The following NCOA1 variants were observed in gnomAD, a reference collection of about 807,000 sequenced individuals.
The protein encoded by NCOA1 is nuclear receptor coactivator 1.
Under a neutral mutation model 150.9 loss-of-function variants are expected in NCOA1, and 35 were observed. That is an observed-to-expected ratio of 0.23 (90% CI 0.18 to 0.31). The LOEUF (loss-of-function observed/expected upper bound fraction) is 0.31. NCOA1 is among the 10% of genes least tolerant of loss of function. NCOA1 has a pLI of 1.00. For missense variants in NCOA1, 1,491 were observed against 1,749.3 expected, an observed-to-expected ratio of 0.85 and a Z score of 2.63; for synonymous variants, 590 against 630.0, an observed-to-expected ratio of 0.94 and a Z score of 0.95.
chr2:24,742,296 A>T (rs1246274654), intron 19 of NCOA1, 110 bp downstream of exon 19: 4 of 1,314,840 alleles, frequency 3.0e-6, no homozygotes, highest in Non-Finnish European at 4.1e-6. Flanking sequence ...AAGAGGAAAG[A>T]CACTGACGTG....
intron 1 of NCOA1, among the ~76,000 whole-genome samples, chr2:24,544,383 C>T (rs535939142): frequency 9.9e-5 from 15 of 152,204 alleles, no homozygotes; most frequent in African/African-American, 3.6e-4. Context: ...AAAGATAACT[C>T]AAGTAAAATG....
chr2:24,536,984 G>GA (rs975421992), intron 1 of NCOA1, among the ~76,000 whole-genome samples: 1 of 152,064 alleles, frequency 6.6e-6, no homozygotes, highest in African/African-American at 2.4e-5. Flanking sequence ...GAGGTTGGGA[G>GA]AGGGGGCAAA....
intron 1 of NCOA1, among the ~76,000 whole-genome samples, chr2:24,564,062 A>T (rs1666397129): frequency 1.3e-5 from 2 of 152,206 alleles, no homozygotes; most frequent in South Asian, 4.1e-4. Context: ...GAGCTTTTAA[A>T]AGAGCCAGCA....
chr2:24,739,402 A>ATATATCT, intron 17 of NCOA1, 30 bp from the exon 18 acceptor site: 1 of 1,478,414 alleles, frequency 6.8e-7, no homozygotes, highest in Non-Finnish European at 9.5e-7. Context: ...GTGTGTAGAA[A>ATATATCT]TATATCTTAT....
intron 1 of NCOA1, among the ~76,000 whole-genome samples, chr2:24,492,550 T>G (rs1477123069): frequency 6.6e-6 from 1 of 152,122 alleles, no homozygotes; most frequent in African/African-American, 2.4e-5. Flanking sequence ...GGCCACGGTG[T>G]TGTGTCCGGA....
intron 19 of NCOA1, among the ~76,000 whole-genome samples, chr2:24,747,096 GCAACAACAA>G (rs145460486): frequency 4.6e-5 from 7 of 151,286 alleles, no homozygotes; most frequent in African/African-American, 1.7e-4. Context: ...AAAAACAACA[GCAACAACAA>G]CAACAACAAC....
intron 1 of NCOA1, chr2:24,492,098 GCGTCCCTCTC>G (rs1662992527): frequency 6.6e-6 from 1 of 152,168 alleles, no homozygotes; most frequent in Non-Finnish European, 1.5e-5. Flanking sequence ...GGCGACCGCG[GCGTCCCTCTC>G]CGTCGGCGCA....
intron 5 of NCOA1, among the ~76,000 whole-genome samples, chr2:24,659,559 A>G (rs1229187253): frequency 6.6e-6 from 1 of 152,096 alleles, no homozygotes; most frequent in East Asian, 1.9e-4. Flanking sequence ...AATATACCAC[A>G]TTTGAAAAAT....
intron 1 of NCOA1, among the ~76,000 whole-genome samples, chr2:24,549,847 G>A (rs1023511383): frequency 6.6e-6 from 1 of 152,190 alleles, no homozygotes; most frequent in African/African-American, 2.4e-5. Context: ...TGGGATTACA[G>A]GCATGAGCCA....
At chr2:24,607,717 C>G (rs566089283) in intron 3 of NCOA1, among the ~76,000 whole-genome samples, 2 of 151,866 alleles carry the variant, frequency 1.3e-5, no homozygotes, top group Non-Finnish European at 2.9e-5. Context: ...GATTCACCTA[C>G]TTTAGTTTCT....
At chr2:24,736,658 G>C (rs898769098) in intron 17 of NCOA1, among the ~76,000 whole-genome samples, 3 of 152,196 alleles carry the variant, frequency 2.0e-5, no homozygotes, top group Non-Finnish European at 2.9e-5. Context: ...AAGAATTTGT[G>C]CAGTAGCTAG....
At chr2:24,686,420 G>A (rs1018985381) in intron 8 of NCOA1, among the ~76,000 whole-genome samples, 1 of 152,024 alleles carries the variant, frequency 6.6e-6, no homozygotes, top group African/African-American at 2.4e-5. Flanking sequence ...CATTATCAGG[G>A]GCATTTATCC....
At chr2:24,540,702 G>A (rs974331954) in intron 1 of NCOA1, among the ~76,000 whole-genome samples, 5 of 151,810 alleles carry the variant, frequency 3.3e-5, no homozygotes, top group African/African-American at 9.7e-5. Context: ...CAAGTGATCC[G>A]CCTGCCTCAG....
chr2:24,671,245 TTGAGTGGAAAAAG>T (rs369604389), intron 6 of NCOA1, among the ~76,000 whole-genome samples: 348 of 152,266 alleles, frequency 2.3e-3, no homozygotes, highest in Admixed American at 5.8e-3. Context: ...AAACATAATA[TTGAGTGGAAAAAG>T]TAAGTTGAAA....
intron 1 of NCOA1, among the ~76,000 whole-genome samples, chr2:24,554,170 CTA>C (rs755831056): frequency 2.0e-5 from 3 of 151,956 alleles, no homozygotes; most frequent in Non-Finnish European, 4.4e-5. Flanking sequence ...ATAGATACCT[CTA>C]TGTTTTGTTT....
intron 4 of NCOA1, among the ~76,000 whole-genome samples, chr2:24,656,166 T>C (rs1572550036): frequency 6.7e-6 from 1 of 150,306 alleles, no homozygotes; most frequent in African/African-American, 2.5e-5. Context: ...GAGGCTAGAA[T>C]GACTGCAGTG....
At chr2:24,574,446 G>A (rs2148288664) in intron 2 of NCOA1, among the ~76,000 whole-genome samples, 1 of 152,122 alleles carries the variant, frequency 6.6e-6, no homozygotes, top group Non-Finnish European at 1.5e-5. Flanking sequence ...TAATGGTTCA[G>A]TGCAGTAAAA....
chr2:24,731,298 T>G (rs921888700), intron 17 of NCOA1, among the ~76,000 whole-genome samples: 1 of 152,168 alleles, frequency 6.6e-6, no homozygotes, highest in Non-Finnish European at 1.5e-5. Context: ...TTAAGTGGGT[T>G]GCCTTAATCA....
chr2:24,712,500 G>T (rs763062197), intron 14 of NCOA1, among the ~76,000 whole-genome samples: 1 of 152,144 alleles, frequency 6.6e-6, no homozygotes, highest in Non-Finnish European at 1.5e-5. Context: ...TCCCAGAAGA[G>T]ACAAGCCTGG....
Sources: gnomAD v4.1 joint callset for allele counts (sites outside exome capture counted in the v4.1 genomes callset) on GRCh38, gnomAD v4.1.1 for gene constraint, MANE v1.5 for transcripts, NCBI Gene and HGNC (gene_info 2026-07-23, HGNC 2026-07-21) for gene names.